YES1: variants seen among roughly 807,000 people sequenced by gnomAD.
The protein encoded by YES1 is tyrosine-protein kinase Yes.
In YES1, 39 loss-of-function variants were observed where a neutral mutation model predicts 70.4. The ratio of observed to expected loss-of-function variants is 0.55; its 90% CI spans 0.43 to 0.72. The LOEUF (loss-of-function observed/expected upper bound fraction) is 0.72. YES1 is among the 30% of genes least tolerant of loss of function. The pLI, the probability that YES1 is intolerant of heterozygous loss-of-function variation, is 0.00. For synonymous variants in YES1, 198 were observed against 218.6 expected (o/e 0.91, Z 0.83); for missense variants, 495 against 644.8 (o/e 0.77, Z 2.52).
chr18:724,238 C>T lies in YES1; in HGVS notation c.*186G>A, dbSNP rs2079991375. 2 of 593,190 alleles carry T rather than the reference C, an allele frequency of 3.4e-6. No homozygotes were observed. The highest frequency in any genetic ancestry group is 5.9e-6 in the Non-Finnish European group (2 of 337,610). The allele number at this position is 593,190 out of a possible 1,614,324, so 36.7% of individuals were successfully genotyped here. On this transcript the variant is annotated 3_prime_UTR_variant, in exon 12 of 12. Transcript: ENST00000314574. ...CCCTGAAATACGCTGATAAATTCAT[C>T]ATTGGTACATTAGAGTTTAATACTT...
At chr18:766,446 A>C (rs547972558) in intron 1 of YES1, among the ~76,000 whole-genome samples, 1 of 151,992 alleles carries the variant, frequency 6.6e-6, no homozygotes, top group Non-Finnish European at 1.5e-5. Flanking sequence ...ATAGCACTAC[A>C]TGATTAGTGA....
chr18:753,341 AAT>A (rs940040016), intron 2 of YES1, among the ~76,000 whole-genome samples: 1 of 152,180 alleles, frequency 6.6e-6, no homozygotes, highest in Non-Finnish European at 1.5e-5. Flanking sequence ...TCAAGAATAC[AAT>A]ATATTGTTAT....
chr18:755,699 A>G (rs2080397594), intron 2 of YES1, among the ~76,000 whole-genome samples: 1 of 152,158 alleles, frequency 6.6e-6, no homozygotes, highest in Non-Finnish European at 1.5e-5. Context: ...TGTTTTGCCA[A>G]GCCTAAGGAT....
intron 1 of YES1, among the ~76,000 whole-genome samples, chr18:789,911 T>C (rs373491730): frequency 6.6e-6 from 1 of 151,716 alleles, no homozygotes; most frequent in African/African-American, 2.4e-5. Flanking sequence ...TACAAAAAAT[T>C]AGCTAGGCAT....
chr18:754,572 G>A (rs141442263), intron 2 of YES1, among the ~76,000 whole-genome samples: 85 of 152,174 alleles, frequency 5.6e-4, no homozygotes, highest in African/African-American at 1.7e-3. Flanking sequence ...GCCGGGTGCC[G>A]TGGTGTTTGT....
intron 1 of YES1, among the ~76,000 whole-genome samples, chr18:765,397 CA>C: frequency 7.0e-6 from 1 of 143,424 alleles, no homozygotes; most frequent in South Asian, 2.2e-4. Flanking sequence ...TATAATTTAA[CA>C]CTTTTTTTTT....
chr18:800,636 A>AATC (rs1192101069), intron 1 of YES1, among the ~76,000 whole-genome samples: 2 of 152,244 alleles, frequency 1.3e-5, no homozygotes, highest in African/African-American at 2.4e-5. Flanking sequence ...GGCTACTAAG[A>AATC]TGGTGAAGAA....
intron 1 of YES1, among the ~76,000 whole-genome samples, chr18:788,317 T>C (rs1325286352): frequency 6.6e-6 from 1 of 152,212 alleles, no homozygotes; most frequent in Non-Finnish European, 1.5e-5. Flanking sequence ...TGATCATTTA[T>C]ATTCAGCTTT....
At chr18:775,144 T>C (rs1359460506) in intron 1 of YES1, 1 of 152,106 alleles carries the variant, frequency 6.6e-6, no homozygotes, top group Non-Finnish European at 1.5e-5. Flanking sequence ...CTCATAGAGT[T>C]GTGAAGATTA....
chr18:752,762 G>C (rs529657424), intron 2 of YES1, among the ~76,000 whole-genome samples: 2 of 152,190 alleles, frequency 1.3e-5, no homozygotes, highest in South Asian at 4.2e-4. Flanking sequence ...GGTCAACAGG[G>C]CGAAACCCTG....
intron 11 of YES1, among the ~76,000 whole-genome samples, chr18:731,950 G>A (rs2080094322): frequency 2.4e-5 from 3 of 122,652 alleles, no homozygotes; most frequent in Non-Finnish European, 4.7e-5. Flanking sequence ...CTGGGCGACA[G>A]AGCGAGACTC....
At chr18:785,107 T>C (rs931039530) in intron 1 of YES1, among the ~76,000 whole-genome samples, 1 of 152,156 alleles carries the variant, frequency 6.6e-6, no homozygotes, top group African/African-American at 2.4e-5. Context: ...GTGAGGACTA[T>C]TTTGCTTATC....
intron 1 of YES1, among the ~76,000 whole-genome samples, chr18:804,919 A>AAAAAAAAAC (rs1328990637): frequency 7.3e-5 from 11 of 151,494 alleles, no homozygotes; most frequent in Admixed American, 2.6e-4. Context: ...GACTCAAAAA[A>AAAAAAAAAC]AAAAAACACA....
chr18:757,444 A>G (rs538953249), intron 1 of YES1, among the ~76,000 whole-genome samples: 235 of 149,812 alleles, frequency 1.6e-3, no homozygotes, highest in Non-Finnish European at 2.7e-3. Context: ...CGGAGCTTGC[A>G]GTGAGCAGAG....
intron 1 of YES1, among the ~76,000 whole-genome samples, chr18:772,726 C>A (rs1698107414): frequency 6.6e-6 from 1 of 152,186 alleles, no homozygotes; most frequent in Non-Finnish European, 1.5e-5. Context: ...GGCACCACGC[C>A]CGGCCAGCAT....
chr18:756,221 G>C (rs1159623911), intron 2 of YES1, among the ~76,000 whole-genome samples: 1 of 151,520 alleles, frequency 6.6e-6, no homozygotes, highest in African/African-American at 2.4e-5. Context: ...ATCCTGAGAA[G>C]TTGTCAAATT....
At chr18:808,024 G>A (rs1907186880) in intron 1 of YES1, among the ~76,000 whole-genome samples, 2 of 152,210 alleles carry the variant, frequency 1.3e-5, no homozygotes. Context: ...TTGAGGCACA[G>A]AGGCTTGTAA....
At chr18:754,362 A>C (rs2080379175) in intron 2 of YES1, among the ~76,000 whole-genome samples, 1 of 152,084 alleles carries the variant, frequency 6.6e-6, no homozygotes. Context: ...TCCTCTCTCT[A>C]GAAAGCTCTT....
chr18:755,702 C>A (rs1393008610), intron 2 of YES1, among the ~76,000 whole-genome samples: 1 of 152,056 alleles, frequency 6.6e-6, no homozygotes, highest in African/African-American at 2.4e-5. Context: ...TTTGCCAAGC[C>A]TAAGGATAAA....
Sources: allele counts gnomAD v4.1 joint callset (sites outside exome capture counted in the v4.1 genomes callset), GRCh38; gene constraint gnomAD v4.1.1; transcripts MANE v1.5; gene names NCBI Gene and HGNC (gene_info 2026-07-23, HGNC 2026-07-21).